The following SMIM36 variants were observed in gnomAD, a reference collection of about 807,000 sequenced individuals.
The protein encoded by SMIM36 is small integral membrane protein 36.
intron 1 of SMIM36, among the ~76,000 whole-genome samples, chr17:55,499,737 A>G (rs564336734): frequency 6.6e-6 from 1 of 152,302 alleles, no homozygotes; most frequent in East Asian, 1.9e-4. Context: ...CCATAAGGAA[A>G]CAAAAATAAG....
chr17:55,498,402 C>T (rs1909846249), intron 1 of SMIM36, among the ~76,000 whole-genome samples: 1 of 152,172 alleles, frequency 6.6e-6, no homozygotes, highest in Admixed American at 6.6e-5. Context: ...GCCCCTTCCC[C>T]TCAACACCCC....
intron 4 of SMIM36, among the ~76,000 whole-genome samples, chr17:55,454,895 G>A (rs530217593): frequency 5.3e-5 from 8 of 151,988 alleles, no homozygotes; most frequent in South Asian, 2.1e-4. Flanking sequence ...TTTTTTCATC[G>A]TGAAGAGATA....
chr17:55,458,406 G>A (rs899672897), intron 4 of SMIM36: 3 of 152,136 alleles, frequency 2.0e-5, no homozygotes, highest in African/African-American at 4.8e-5. Flanking sequence ...ATAGGAAACC[G>A]GGGAAGGGAA....
rs142641576 is a variant in SMIM36 at position 55,453,077 on chromosome 17, A to C, written c.*532-2779T>G. 1.4e-3 allele frequency among the ~76,000 whole-genome samples: 218 copies of C among 152,320 alleles called. 1 individual carries two copies. The highest frequency in any genetic ancestry group is 5.0e-3 in the African/African-American group (208 of 41,574). ...ATAATCCCAGCACTTAGGGAGGCTG[A>C]GGCAGAAAGATCACTTGAGCCCAGG... On this transcript the variant is annotated intron_variant, in intron 4 of 4. Coordinates refer to ENST00000636752, the Ensembl canonical transcript of SMIM36.
intron 4 of SMIM36, among the ~76,000 whole-genome samples, chr17:55,454,851 A>T (rs1364019524): frequency 6.6e-6 from 1 of 152,240 alleles, no homozygotes; most frequent in Non-Finnish European, 1.5e-5. Context: ...GCCAGTGACT[A>T]CTGTTCTACA....
chr17:55,523,138 A>G, the SMIM36 span, among the ~76,000 whole-genome samples: 1 of 152,162 alleles, frequency 6.6e-6, no homozygotes, highest in East Asian at 1.9e-4. Context: ...GGGCCTTTAA[A>G]GACATGATTA....
chr17:55,498,539 TTA>T (rs745564920), intron 1 of SMIM36, among the ~76,000 whole-genome samples: 8 of 152,094 alleles, frequency 5.3e-5, no homozygotes, highest in Non-Finnish European at 1.0e-4. Context: ...GCCAGATACT[TTA>T]TGTGTGTGAT....
intron 4 of SMIM36, among the ~76,000 whole-genome samples, chr17:55,465,913 C>T (rs1439872570): frequency 1.3e-5 from 2 of 152,016 alleles, no homozygotes; most frequent in Non-Finnish European, 2.9e-5. Flanking sequence ...GGATGGGTGC[C>T]CTTTCACCTA....
chr17:55,514,654 G>T (rs1335691848), upstream of SMIM36, among the ~76,000 whole-genome samples: 1 of 152,110 alleles, frequency 6.6e-6, no homozygotes, highest in East Asian at 1.9e-4. Flanking sequence ...CATTGGGCAG[G>T]TATTCTATGG....
rs143077311 is a variant in SMIM36 at position 55,450,747 on chromosome 17, C to T, written c.*532-449G>A. ...CAAGCACAAGGCAATACTGGCAGAG[C>T]GTAGACAACAGGTTTAGGCACCCGT... On this transcript the variant is annotated intron_variant, in intron 4 of 4. Coordinates refer to ENST00000636752, the Ensembl canonical transcript of SMIM36. 3.5e-3 allele frequency among the ~76,000 whole-genome samples: 539 copies of T among 152,280 alleles called. 3 individuals are homozygous for T. Among genetic ancestry groups the T allele is most frequent in the Middle Eastern group, 6.8e-3 (2 of 294 alleles).
chr17:55,451,725 A>G (rs1235260869), intron 4 of SMIM36, among the ~76,000 whole-genome samples: 4 of 152,176 alleles, frequency 2.6e-5, no homozygotes, highest in African/African-American at 9.7e-5. Context: ...TTTACTATAT[A>G]TTTCCTGCAC....
rs1170171464 is a variant in SMIM36 at position 55,452,161 on chromosome 17, CA to C, written c.*532-1864del. On this transcript the variant is annotated intron_variant, in intron 4 of 4. Coordinates refer to ENST00000636752, the Ensembl canonical transcript of SMIM36. ...TAATAAGCCTGGCATATTTGACCCA[CA>C]TATGGTTTTAATAAGCCCAAGTGTA... Among the ~76,000 whole-genome samples, 9 of 148,246 alleles carry C rather than the reference CA, an allele frequency of 6.1e-5. No individual in the cohort carries two copies. In the East Asian group the frequency reaches 1.8e-3, roughly 29 times the overall value.
chr17:55,478,315 C>T (rs938098130), intron 3 of SMIM36, among the ~76,000 whole-genome samples: 3 of 151,730 alleles, frequency 2.0e-5, no homozygotes, highest in Admixed American at 2.0e-4. Flanking sequence ...CTCACGGTAG[C>T]CTTGACTTCC....
chr17:55,491,913 A>T (rs1394488535), intron 1 of SMIM36, among the ~76,000 whole-genome samples: 1 of 152,158 alleles, frequency 6.6e-6, no homozygotes, highest in Non-Finnish European at 1.5e-5. Flanking sequence ...TATTCCCAGC[A>T]CTTCCGGAGG....
chr17:55,520,811 A>G, the SMIM36 span, among the ~76,000 whole-genome samples: 2 of 152,242 alleles, frequency 1.3e-5, no homozygotes, highest in Non-Finnish European at 2.9e-5. Context: ...CTGCAATAGT[A>G]GTAATAATAA....
At chr17:55,482,427 T>C (rs946048879) in intron 1 of SMIM36, among the ~76,000 whole-genome samples, 2 of 152,098 alleles carry the variant, frequency 1.3e-5, no homozygotes, top group East Asian at 3.9e-4. Flanking sequence ...GAAACTCATC[T>C]CTCCTTCTCC....
intron 4 of SMIM36, among the ~76,000 whole-genome samples, chr17:55,461,790 A>T (rs905097251): frequency 1.3e-5 from 2 of 152,170 alleles, no homozygotes; most frequent in Non-Finnish European, 2.9e-5. Context: ...AAAAACCAGA[A>T]AGTACAGACT....
chr17:55,511,466 G>A (rs1048672727), upstream of SMIM36: 3 of 393,300 alleles, frequency 7.6e-6, no homozygotes, highest in Non-Finnish European at 1.3e-5. Context: ...AATCCCTACT[G>A]CTCCAGGAGA....
intron 1 of SMIM36, among the ~76,000 whole-genome samples, chr17:55,496,191 G>A (rs1287858543): frequency 2.0e-5 from 3 of 152,120 alleles, no homozygotes; most frequent in Non-Finnish European, 2.9e-5. Context: ...CCCTTGGAGC[G>A]GCACACTTTT....
Sources: allele counts gnomAD v4.1 joint callset (sites outside exome capture counted in the v4.1 genomes callset), GRCh38; gene constraint gnomAD v4.1.1; transcripts MANE v1.5; gene names NCBI Gene and HGNC (gene_info 2026-07-23, HGNC 2026-07-21).